The following JAKMIP1 variants were observed in gnomAD, a reference collection of about 807,000 sequenced individuals.
JAKMIP1 encodes janus kinase and microtubule-interacting protein 1.
Under a neutral mutation model 113.0 loss-of-function variants are expected in JAKMIP1, and 33 were observed. That is an observed-to-expected ratio of 0.29 (90% CI 0.22 to 0.39). The LOEUF (loss-of-function observed/expected upper bound fraction) is 0.39. Ranked by LOEUF, JAKMIP1 falls within the 10% of genes least tolerant of loss-of-function variation. The pLI, the probability that JAKMIP1 is intolerant of heterozygous loss-of-function variation, is 1.00. For missense variants in JAKMIP1, 813 were observed against 1,080.5 expected (o/e 0.75, Z 3.47); for synonymous variants, 480 against 459.9 (o/e 1.04, Z -0.56).
Position 6,199,646 on chromosome 4 carries a change from C to T in JAKMIP1, c.-148+607G>A, listed in dbSNP as rs969951926. 6.6e-6 allele frequency among the ~76,000 whole-genome samples: 1 copy of T among 151,778 alleles called. No homozygotes were observed. Among genetic ancestry groups the T allele is most frequent in the African/African-American group, 2.4e-5 (1 of 41,394 alleles). ...CCCGGCGCCCACGTGGGCGGAGCAG[C>T]GCGAGGGTGTGCGTGGCAGGGGCCG... On this transcript the variant is annotated intron_variant, in intron 1 of 20. Coordinates refer to ENST00000409021, the MANE Select transcript of JAKMIP1 (RefSeq NM_001099433.2). This position sits in a 1 kb window ranked among gnomAD's most constrained non-coding sequence, Gnocchi z 5.6.
At chr4:6,073,900 A>T (rs192141229) in intron 8 of JAKMIP1, among the ~76,000 whole-genome samples, 7 of 152,324 alleles carry the variant, frequency 4.6e-5, no homozygotes, top group African/African-American at 1.7e-4. Context: ...GAACTCTGTG[A>T]TGATACAGCT....
Position 6,134,936 on chromosome 4 carries a change from C to T in JAKMIP1, c.-147-21939G>A, listed in dbSNP as rs912737515. Among the ~76,000 whole-genome samples the T allele has an allele frequency of 5.9e-5, 9 of 152,116 alleles. No individual in the cohort carries two copies. In the East Asian group the frequency reaches 9.7e-4, roughly 16 times the overall value. ...ATGCAGATAAACCACGGTGGATGCCCAGAGGCAAGAGAAGTGTCTTCTAGC... is the reference window on the plus strand; with the variant it reads ...ATGCAGATAAACCACGGTGGATGCCTAGAGGCAAGAGAAGTGTCTTCTAGC... On this transcript the variant is annotated intron_variant, in intron 1 of 20. Transcript: ENST00000409021.
chr4:6,053,071 G>A (rs1715876497), intron 13 of JAKMIP1, among the ~76,000 whole-genome samples: 2 of 152,228 alleles, frequency 1.3e-5, no homozygotes, highest in Admixed American at 1.3e-4. Flanking sequence ...AAAGGTTTCA[G>A]CTGAGAGACA....
chr4:6,166,307 G>C (rs12640126), intron 1 of JAKMIP1, among the ~76,000 whole-genome samples: 1 of 152,158 alleles, frequency 6.6e-6, no homozygotes, highest in African/African-American at 2.4e-5. Context: ...AGATAAACCC[G>C]GCCAGGAGCC....
At position 6,179,296 on chromosome 4, in the gene JAKMIP1, T is replaced by G. The variant is rs887015473; in HGVS notation, c.-148+20957A>C. On this transcript the variant is annotated intron_variant, in intron 1 of 20. Transcript: ENST00000409021. This position sits in a 1 kb window ranked among gnomAD's most constrained non-coding sequence, Gnocchi z 4.5. ...CTGCTTAACCTCGTGGGGTCTTGGT[T>G]TCCTCCTACCATCTTGCATGGTGGT... is the stretch of plus-strand genomic sequence containing the variant. 6.6e-6 allele frequency among the ~76,000 whole-genome samples: 1 copy of G among 152,140 alleles called. No individual in the cohort carries two copies. The highest frequency in any genetic ancestry group is 1.5e-5 in the Non-Finnish European group (1 of 68,018).
At chr4:6,174,766 C>T (rs1457332477) in intron 1 of JAKMIP1, among the ~76,000 whole-genome samples, 1 of 151,442 alleles carries the variant, frequency 6.6e-6, no homozygotes, top group East Asian at 2.0e-4. Context: ...TACCTCAGCA[C>T]CCCAAACTAC....
chr4:6,027,802 T>C (rs986528617), intron 20 of JAKMIP1, among the ~76,000 whole-genome samples: 1 of 152,094 alleles, frequency 6.6e-6, no homozygotes, highest in Non-Finnish European at 1.5e-5. Flanking sequence ...TTATTTTAAG[T>C]GTGCGCTCAT....
rs1445023496 is a variant in JAKMIP1, at chr4:6,058,625, A to G, written c.1644+1799T>C. Among the ~76,000 whole-genome samples the G allele has an allele frequency of 2.6e-5, 4 of 152,348 alleles. No homozygotes were observed. The East Asian group carries it at 7.7e-4, about 29-fold the overall frequency. On this transcript the variant is annotated intron_variant, in intron 11 of 20. Coordinates refer to ENST00000409021, the MANE Select transcript of JAKMIP1 (RefSeq NM_001099433.2). ...GGAGGTCCAGTTCCAGCCAATGGAG[A>G]CAGGACACAGCAGTAAGGAACCAAT...
At chr4:6,175,496 C>G (rs890160696) in intron 1 of JAKMIP1, among the ~76,000 whole-genome samples, 5 of 152,210 alleles carry the variant, frequency 3.3e-5, no homozygotes, top group Admixed American at 1.3e-4. Flanking sequence ...AGTAGCAATA[C>G]TGACGAGAAG....
At position 6,051,282 on chromosome 4, in the gene JAKMIP1, G is replaced by A. The variant is rs1484329187; in HGVS notation, c.1807-603C>T. Among the ~76,000 whole-genome samples the A allele has an allele frequency of 2.6e-5, 4 of 151,232 alleles. No individual in the cohort carries two copies. The highest frequency in any genetic ancestry group is 5.9e-5 in the Non-Finnish European group (4 of 67,944). On this transcript the variant is annotated intron_variant, in intron 13 of 20. Transcript: ENST00000409021. The surrounding 1 kb of genome is among the most constrained non-coding windows in gnomAD (Gnocchi z 5.0). Reference sequence around the variant, plus strand: ...TTGTCGCCCAGGCTGGAGTGCAATGGCACAATCTTGGCTCACTGCAACCTC... The same window carrying A: ...TTGTCGCCCAGGCTGGAGTGCAATGACACAATCTTGGCTCACTGCAACCTC...
In JAKMIP1 at chr4:6,112,796, C is replaced by T. The variant is rs1255001562; in HGVS notation, c.55G>A (p.Val19Met). 1.2e-6 allele frequency: 2 copies of T among 1,614,138 alleles called. No individual in the cohort carries two copies. The highest frequency in any genetic ancestry group is 8.5e-7 in the Non-Finnish European group (1 of 1,180,044). ...CGCAGCTCCTCGTTGGCCATCTGCA[C>T]CGCGTCCGTCTCCATCTCGGGCTTC... is the stretch of plus-strand genomic sequence containing the variant. ...GEKPEMETDAVQMANEELRAK... is the reference protein window; with the variant it reads ...GEKPEMETDAMQMANEELRAK... Residue 19 changes from valine to methionine, a missense_variant, in exon 2 of 21, where the codon GTG (valine) becomes ATG (methionine). Transcript: ENST00000409021.
Position 6,036,009 on chromosome 4 carries a change from C to G in JAKMIP1, c.2274G>C (p.Leu758=). The change falls in exon 19 of 21, where the codon CTG becomes CTC. Residue 758 remains leucine (L), a synonymous_variant. Coordinates refer to ENST00000409021, the MANE Select transcript of JAKMIP1 (RefSeq NM_001099433.2). ...EALSEGQRED[L]QAAVEKVRRQ... is the part of the protein sequence containing the mutation. ...TGCGCACCTTTTCCACAGCAGCCTGCAGGTCCTCCCGCTGGCCCTCGCTCA... is the reference window on the plus strand; with the variant it reads ...TGCGCACCTTTTCCACAGCAGCCTGGAGGTCCTCCCGCTGGCCCTCGCTCA... 1.9e-6 allele frequency: 3 copies of G among 1,552,186 alleles called. No homozygotes were observed. Among genetic ancestry groups the G allele is most frequent in the Non-Finnish European group, 2.6e-6 (3 of 1,147,290 alleles).
chr4:6,134,455 C>A (rs936595730), intron 1 of JAKMIP1, among the ~76,000 whole-genome samples: 5 of 151,710 alleles, frequency 3.3e-5, no homozygotes, highest in African/African-American at 1.2e-4. Flanking sequence ...CCCGTCTTTT[C>A]CACCTGTTCA....
intron 13 of JAKMIP1, among the ~76,000 whole-genome samples, chr4:6,052,544 G>A (rs906075649): frequency 6.6e-6 from 1 of 151,094 alleles, no homozygotes; most frequent in Non-Finnish European, 1.5e-5. Flanking sequence ...TACTAGGGAG[G>A]TTGAGGCCGG....
In JAKMIP1 at chr4:6,159,633, A is replaced by T. The variant is rs141341735; in HGVS notation, c.-148+40620T>A. On this transcript the variant is annotated intron_variant, in intron 1 of 20. Transcript: ENST00000409021. ...TAACTAAAGAAACAAGAACCAGGATACAAATTTTCACTCATCACATTGGCA... is the reference window on the plus strand; with the variant it reads ...TAACTAAAGAAACAAGAACCAGGATTCAAATTTTCACTCATCACATTGGCA... Among the ~76,000 whole-genome samples the T allele has an allele frequency of 3.3e-5, 5 of 152,362 alleles. No homozygotes were observed. In the East Asian group the frequency reaches 9.6e-4, roughly 29 times the overall value.
intron 16 of JAKMIP1, among the ~76,000 whole-genome samples, chr4:6,046,953 G>A (rs1715081522): frequency 6.6e-6 from 1 of 152,230 alleles, no homozygotes; most frequent in South Asian, 2.1e-4. Context: ...GTCACCAGCA[G>A]GTTCCTGCTC....
intron 11 of JAKMIP1, among the ~76,000 whole-genome samples, chr4:6,058,891 G>A (rs935985544): frequency 6.6e-6 from 1 of 152,196 alleles, no homozygotes; most frequent in African/African-American, 2.4e-5. Context: ...GGGAAACTGA[G>A]GCTAGCAGCC....
intron 13 of JAKMIP1, 193 bp downstream of exon 13, chr4:6,053,857 G>T: frequency 6.8e-7 from 1 of 1,469,760 alleles, no homozygotes. Context: ...ACGCTCTCCA[G>T]AACACATTAA....
At chr4:6,171,387 CATCACCATT>C (rs2109023524) in intron 1 of JAKMIP1, among the ~76,000 whole-genome samples, 1 of 151,516 alleles carries the variant, frequency 6.6e-6, no homozygotes, top group South Asian at 2.1e-4. Flanking sequence ...CCATCACCAC[CATCACCATT>C]ATCACCAACC....
Sources: allele counts gnomAD v4.1 joint callset (sites outside exome capture counted in the v4.1 genomes callset), GRCh38; gene constraint gnomAD v4.1.1; non-coding constraint Gnocchi (gnomAD v3.1); transcripts MANE v1.5; gene names NCBI Gene and HGNC (gene_info 2026-07-23, HGNC 2026-07-21).